Variants in CSMD1 observed in about 807,000 individuals in gnomAD.
CSMD1 encodes the protein CUB and Sushi multiple domains 1, also known as CUB and sushi domain-containing protein 1.
A neutral mutation model predicts 417.5 loss-of-function variants in CSMD1; 213 were observed. The ratio of observed to expected loss-of-function variants is 0.51; its 90% CI spans 0.46 to 0.57. The LOEUF (loss-of-function observed/expected upper bound fraction) is 0.57, where lower values mean the gene tolerates loss of function less well. Among genes scored for constraint, CSMD1 ranks in the 20% least tolerant of loss-of-function variants. CSMD1 has a pLI of 0.00. For synonymous variants in CSMD1, 2,862 were observed against 1,736.8 expected, an observed-to-expected ratio of 1.65 and a Z score of -16.11; for missense variants, 6,923 against 4,529.7, an observed-to-expected ratio of 1.53 and a Z score of -15.17.
chr8:3,388,331 TTTC>T lies in CSMD1; in HGVS notation c.2594-652_2594-650del, dbSNP rs375798953. The stretch of plus-strand genomic sequence containing the variant: ...AATTATGATCATATCATTATGAGAG[TTTC>T]TTTTCTCCTCTCACATTTCTCATTT... On this transcript the variant is annotated intron_variant, in intron 17 of 69. Transcript: ENST00000635120. Among the ~76,000 whole-genome samples, 1,001 of 152,312 alleles carry T rather than the reference TTTC, an allele frequency of 6.6e-3. 4 individuals carry two copies. The highest frequency in any genetic ancestry group is 0.011 in the Non-Finnish European group (768 of 68,030).
At chr8:3,674,224 T>A (rs530116791) in intron 7 of CSMD1, among the ~76,000 whole-genome samples, 3 of 152,314 alleles carry the variant, frequency 2.0e-5, no homozygotes, top group East Asian at 3.9e-4. Flanking sequence ...CAAAAGCAGA[T>A]TGTATTATGG....
At chr8:4,834,434 G>A (rs142321608) in intron 1 of CSMD1, among the ~76,000 whole-genome samples, 2 of 152,162 alleles carry the variant, frequency 1.3e-5, no homozygotes, top group Non-Finnish European at 2.9e-5. Context: ...AAAGCAAAGA[G>A]GATTGAGTGG....
intron 3 of CSMD1, among the ~76,000 whole-genome samples, chr8:4,281,479 T>C (rs1274704540): frequency 6.6e-6 from 1 of 152,234 alleles, no homozygotes; most frequent in Non-Finnish European, 1.5e-5. Flanking sequence ...TCCAACCTTC[T>C]GTTTCAAATT....
intron 23 of CSMD1, among the ~76,000 whole-genome samples, chr8:3,336,535 TGTG>T (rs1325590062): frequency 6.6e-6 from 1 of 152,172 alleles, no homozygotes; most frequent in Non-Finnish European, 1.5e-5. Flanking sequence ...TGGGAAAAAG[TGTG>T]GTGGTTGGGA....
At chr8:4,499,019 C>G (rs1344359736) in intron 2 of CSMD1, among the ~76,000 whole-genome samples, 1 of 152,082 alleles carries the variant, frequency 6.6e-6, no homozygotes, top group East Asian at 1.9e-4. Flanking sequence ...ATTAATTACC[C>G]AGGCATAGAA....
intron 41 of CSMD1, among the ~76,000 whole-genome samples, chr8:3,138,414 C>G (rs59852865): frequency 0.043 from 6,596 of 152,224 alleles, 185 homozygotes; most frequent in Non-Finnish European, 0.066. Context: ...ACTCCAATTT[C>G]ATCACTGAAA....
At chr8:3,133,146 T>A (rs544192663) in intron 41 of CSMD1, among the ~76,000 whole-genome samples, 1 of 152,160 alleles carries the variant, frequency 6.6e-6, no homozygotes. Flanking sequence ...GCACACAGCT[T>A]CTCCTCAGCG....
intron 6 of CSMD1, among the ~76,000 whole-genome samples, chr8:3,717,650 T>A (rs1197931877): frequency 6.6e-6 from 1 of 152,196 alleles, no homozygotes; most frequent in African/African-American, 2.4e-5. Context: ...TATGTATTTA[T>A]TATTAATGCT....
intron 2 of CSMD1, among the ~76,000 whole-genome samples, chr8:4,574,021 G>T (rs564602287): frequency 1.3e-5 from 2 of 152,308 alleles, no homozygotes; most frequent in East Asian, 1.9e-4. Flanking sequence ...TGTGCTGGCA[G>T]CCAGAATTCC....
intron 1 of CSMD1, among the ~76,000 whole-genome samples, chr8:4,741,541 A>G (rs1409677600): frequency 6.6e-6 from 1 of 152,238 alleles, no homozygotes; most frequent in Admixed American, 6.5e-5. Flanking sequence ...CATGTTTTGA[A>G]TAATAAGAAG....
At chr8:3,196,479 C>G (rs1414573534) in intron 33 of CSMD1, among the ~76,000 whole-genome samples, 1 of 152,138 alleles carries the variant, frequency 6.6e-6, no homozygotes, top group Non-Finnish European at 1.5e-5. Context: ...GCGCGAGATC[C>G]AAGAACCTCT....
rs1585018779 is a variant in CSMD1 at position 3,650,539 on chromosome 8, C to A, written c.1010-33742G>T. On this transcript the variant is annotated intron_variant, in intron 7 of 69. Transcript: ENST00000635120. ...CTTCATTCTCTACTCAGGCTCCTTTCCTTGAATCTGTTATGTTATTACAGA... is the reference window on the plus strand; with the variant it reads ...CTTCATTCTCTACTCAGGCTCCTTTACTTGAATCTGTTATGTTATTACAGA... Among the ~76,000 whole-genome samples the A allele has an allele frequency of 2.0e-5, 3 of 152,248 alleles. No homozygotes were observed. In the South Asian group the frequency reaches 6.2e-4, roughly 32 times the overall value.
intron 7 of CSMD1, among the ~76,000 whole-genome samples, chr8:3,650,345 T>C (rs1325193136): frequency 6.6e-6 from 1 of 151,978 alleles, no homozygotes; most frequent in African/African-American, 2.4e-5. Context: ...GTTAGGAAGA[T>C]GAGTATACCT....
chr8:3,991,487 A>G (rs1814746836), intron 5 of CSMD1, among the ~76,000 whole-genome samples: 1 of 152,218 alleles, frequency 6.6e-6, no homozygotes, highest in African/African-American at 2.4e-5. Flanking sequence ...ATCTATCATT[A>G]TGTTATACCC....
intron 8 of CSMD1, among the ~76,000 whole-genome samples, chr8:3,602,878 G>C (rs1408301437): frequency 6.6e-6 from 1 of 152,058 alleles, no homozygotes; most frequent in Non-Finnish European, 1.5e-5. Context: ...GTATTTTGAA[G>C]CTAACAAATT....
intron 20 of CSMD1, among the ~76,000 whole-genome samples, chr8:3,361,768 TCTTTG>T (rs770458026): frequency 1.0e-3 from 156 of 152,198 alleles, no homozygotes; most frequent in Non-Finnish European, 1.8e-3. Flanking sequence ...ATCTTATGGT[TCTTTG>T]CTTTAAGTAT....
At chr8:3,840,470 G>C (rs553613522) in intron 5 of CSMD1, among the ~76,000 whole-genome samples, 6 of 152,170 alleles carry the variant, frequency 3.9e-5, no homozygotes, top group South Asian at 2.1e-4. Context: ...GAACATAATA[G>C]GCATTCAATA....
intron 7 of CSMD1, among the ~76,000 whole-genome samples, chr8:3,633,211 C>T (rs990512427): frequency 1.3e-5 from 2 of 152,138 alleles, no homozygotes; most frequent in African/African-American, 2.4e-5. Flanking sequence ...TCAAATAAAA[C>T]ATAACTTAAA....
At chr8:3,099,151 A>G (rs916623184) in intron 46 of CSMD1, among the ~76,000 whole-genome samples, 7 of 152,076 alleles carry the variant, frequency 4.6e-5, no homozygotes, top group African/African-American at 1.4e-4. Flanking sequence ...CAGTGAAGCC[A>G]GCAGACTTCA....
Sources: allele counts gnomAD v4.1 joint callset (sites outside exome capture counted in the v4.1 genomes callset), GRCh38; gene constraint gnomAD v4.1.1; transcripts MANE v1.5; gene names NCBI Gene and HGNC (gene_info 2026-07-23, HGNC 2026-07-21).